MRPS5: variants seen among roughly 807,000 people sequenced by gnomAD.
The protein encoded by MRPS5 is small ribosomal subunit protein uS5m.
A neutral mutation model predicts 51.9 loss-of-function variants in MRPS5; 27 were observed. That is an observed-to-expected ratio of 0.52 (90% CI 0.38 to 0.72). MRPS5 has a LOEUF of 0.72. MRPS5 is among the 30% of genes least tolerant of loss of function. The pLI, the probability that MRPS5 is intolerant of heterozygous loss-of-function variation, is 0.00. For synonymous variants in MRPS5, 196 were observed against 193.2 expected (o/e 1.01, Z -0.12); for missense variants, 570 against 545.7 (o/e 1.04, Z -0.44).
At chr2:95,112,725 C>G (rs985166653) in intron 3 of MRPS5, among the ~76,000 whole-genome samples, 1 of 152,196 alleles carries the variant, frequency 6.6e-6, no homozygotes, top group African/African-American at 2.4e-5. Context: ...CTGAGTCAGG[C>G]CAGGAGCAGT....
intron 6 of MRPS5, 49 bp downstream of exon 6, chr2:95,106,374 C>T: frequency 3.1e-6 from 4 of 1,285,732 alleles, no homozygotes; most frequent in Non-Finnish European, 4.5e-6. Context: ...GCCCCACCCA[C>T]CCCAACCTCT....
At chr2:95,102,699 A>G (rs1293850092) in intron 7 of MRPS5, among the ~76,000 whole-genome samples, 1 of 152,204 alleles carries the variant, frequency 6.6e-6, no homozygotes, top group Non-Finnish European at 1.5e-5. Flanking sequence ...GGGAAAAAAC[A>G]TCCACTGCTA....
chr2:95,090,651 C>G, intron 10 of MRPS5, 129 bp from the exon 11 acceptor site: 2 of 954,130 alleles, frequency 2.1e-6, no homozygotes, highest in South Asian at 3.2e-5. Flanking sequence ...ATCACCACTT[C>G]CTAGTGAGCT....
Position 95,100,543 on chromosome 2 carries a change from G to T in MRPS5, c.869-7C>A. ...AATGAAATATCATGGAATACTGGAG[G>T]GTAAAAACATAAACACAAGAGGATT... On this transcript the variant is annotated splice_region_variant and splice_polypyrimidine_tract_variant and intron_variant, in intron 9 of 11. Transcript: ENST00000272418. The T allele has an allele frequency of 6.3e-7, 1 of 1,594,888 alleles. No individual in the cohort carries two copies. The highest frequency in any genetic ancestry group is 8.6e-7 in the Non-Finnish European group (1 of 1,163,614).
chr2:95,119,814 G>A lies in MRPS5; in HGVS notation c.59-1869C>T, dbSNP rs545724838. Among the ~76,000 whole-genome samples the A allele has an allele frequency of 5.3e-5, 8 of 152,226 alleles. 1 individual carries two copies. In the South Asian group the frequency reaches 1.7e-3, roughly 32 times the overall value. ...TGTATGGCTCACACCTATAATCCCA[G>A]CACTTTGGGAGGCCAAGGCGGGAGG... On this transcript the variant is annotated intron_variant, in intron 1 of 11. Transcript: ENST00000272418.
At chr2:95,093,764 C>T (rs1377265654) in intron 10 of MRPS5, 1 of 152,198 alleles carries the variant, frequency 6.6e-6, no homozygotes, top group Non-Finnish European at 1.5e-5. Context: ...GATAAAACCA[C>T]AAAGATGGGG....
At chr2:95,120,011 C>T (rs1218493746) in intron 1 of MRPS5, among the ~76,000 whole-genome samples, 2 of 152,194 alleles carry the variant, frequency 1.3e-5, no homozygotes, top group South Asian at 4.2e-4. Flanking sequence ...TGCAGTGAGC[C>T]GTGATCGTGC....
At chr2:95,120,285 A>G (rs1676403765) in intron 1 of MRPS5, among the ~76,000 whole-genome samples, 1 of 152,272 alleles carries the variant, frequency 6.6e-6, no homozygotes, top group Admixed American at 6.5e-5. Flanking sequence ...AAGTGCTGGT[A>G]CATGCTACAA....
chr2:95,110,588 A>G (rs961865137), intron 3 of MRPS5, among the ~76,000 whole-genome samples: 1 of 152,212 alleles, frequency 6.6e-6, no homozygotes. Context: ...GGATCACTTG[A>G]GGCCAGAGTT....
chr2:95,113,462 G>T (rs928328246), intron 3 of MRPS5, among the ~76,000 whole-genome samples: 4 of 152,144 alleles, frequency 2.6e-5, no homozygotes, highest in African/African-American at 9.7e-5. Context: ...GGCGACAAGA[G>T]CAAGACTCCG....
chr2:95,118,504 C>T (rs1386090740), intron 1 of MRPS5, among the ~76,000 whole-genome samples: 1 of 152,258 alleles, frequency 6.6e-6, no homozygotes, highest in Non-Finnish European at 1.5e-5. Flanking sequence ...TGTAGTCAGT[C>T]TTGAACCTAC....
At chr2:95,106,196 G>A (rs1242020192) in intron 6 of MRPS5, among the ~76,000 whole-genome samples, 2 of 152,158 alleles carry the variant, frequency 1.3e-5, no homozygotes, top group African/African-American at 4.8e-5. Context: ...ACCACCTTAT[G>A]AGACCTCAGT....
chr2:95,117,740 TA>T (rs1558688293), intron 2 of MRPS5, 124 bp downstream of exon 2: 2 of 777,658 alleles, frequency 2.6e-6, no homozygotes, highest in Non-Finnish European at 4.2e-6. Context: ...CTAACCAGGC[TA>T]AAAAATGAAA....
At chr2:95,089,981 T>A (rs1219361835) in intron 11 of MRPS5, among the ~76,000 whole-genome samples, 2 of 151,150 alleles carry the variant, frequency 1.3e-5, no homozygotes, top group African/African-American at 4.9e-5. Context: ...ATCGAGACCA[T>A]CCCGGCTAAA....
chr2:95,115,444 A>C (rs183283955), intron 2 of MRPS5, among the ~76,000 whole-genome samples: 1 of 152,342 alleles, frequency 6.6e-6, no homozygotes, highest in East Asian at 1.9e-4. Flanking sequence ...TAAAGAAAGA[A>C]GCAGATTTGT....
chr2:95,105,996 C>T (rs1423883829), intron 6 of MRPS5, among the ~76,000 whole-genome samples: 1 of 152,148 alleles, frequency 6.6e-6, no homozygotes, highest in Non-Finnish European at 1.5e-5. Flanking sequence ...ACCCAGAGAC[C>T]ATTTCCCCAT....
chr2:95,120,246 C>G (rs1255994856), intron 1 of MRPS5, among the ~76,000 whole-genome samples: 2 of 152,206 alleles, frequency 1.3e-5, no homozygotes, highest in Non-Finnish European at 2.9e-5. Context: ...ATGTGGTATT[C>G]ATACAATATC....
In MRPS5 at chr2:95,101,668, T is replaced by A; in HGVS notation, c.810+9A>T. ...ACTGAGTGTCAACAAAGAAAAAAAA[T>A]GTACATACTTTCCTGAAAGCATCCA... On this transcript the variant is annotated intron_variant, in intron 8 of 11. Coordinates refer to ENST00000272418, the MANE Select transcript of MRPS5 (RefSeq NM_031902.5). The A allele has an allele frequency of 6.3e-7, 1 of 1,591,014 alleles. No homozygotes were observed.
At chr2:95,099,214 G>A (rs1234777631) in intron 10 of MRPS5, among the ~76,000 whole-genome samples, 13 of 150,224 alleles carry the variant, frequency 8.7e-5, no homozygotes, top group African/African-American at 1.5e-4. Context: ...CACCGTGCCC[G>A]GCCAAAAATT....
Sources: allele counts gnomAD v4.1 joint callset (sites outside exome capture counted in the v4.1 genomes callset), GRCh38; gene constraint gnomAD v4.1.1; transcripts MANE v1.5; gene names NCBI Gene and HGNC (gene_info 2026-07-23, HGNC 2026-07-21).